Variants in ADAMTS6 observed in about 807,000 individuals in gnomAD.
The protein encoded by ADAMTS6 is ADAM metallopeptidase with thrombospondin type 1 motif 6, also known as A disintegrin and metalloproteinase with thrombospondin motifs 6.
ADAMTS6 carries 23 observed loss-of-function variants against 144.3 expected under a neutral mutation model. The ratio of observed to expected loss-of-function variants is 0.16; its 90% CI spans 0.11 to 0.23. ADAMTS6 has a LOEUF of 0.23. Ranked by LOEUF, ADAMTS6 falls within the 10% of genes least tolerant of loss-of-function variation. The pLI, the probability that ADAMTS6 is intolerant of heterozygous loss-of-function variation, is 1.00. For synonymous variants in ADAMTS6, 444 were observed against 457.5 expected (o/e 0.97, Z 0.38); for missense variants, 999 against 1,379.6 (o/e 0.72, Z 4.37).
chr5:65,415,179 A>G lies in ADAMTS6; in HGVS notation c.1073+36296T>C, dbSNP rs574495710. Among the ~76,000 whole-genome samples the G allele has an allele frequency of 7.9e-4, 120 of 152,272 alleles. 1 individual carries two copies. Among genetic ancestry groups the G allele is most frequent in the Non-Finnish European group, 1.4e-3 (98 of 68,042 alleles). On this transcript the variant is annotated intron_variant, in intron 7 of 24. Coordinates refer to ENST00000381055, the MANE Select transcript of ADAMTS6 (RefSeq NM_197941.4). ...AATCAAGAAATGAGTAAAGGATCTTAATAGACATTTCTCCAAAGAAGATAT... is the reference window on the plus strand; with the variant it reads ...AATCAAGAAATGAGTAAAGGATCTTGATAGACATTTCTCCAAAGAAGATAT...
In ADAMTS6 at chr5:65,194,795, TTAAG is replaced by T. The variant is rs564009863; in HGVS notation, c.2705+2223_2705+2226del. On this transcript the variant is annotated intron_variant, in intron 21 of 24. Coordinates refer to ENST00000381055, the MANE Select transcript of ADAMTS6 (RefSeq NM_197941.4). ...TGAATTCCATTCCCCATCTCCAAAC[TTAAG>T]TAAGTAACTTCACTTCAGAACTACA... Among the ~76,000 whole-genome samples the T allele has an allele frequency of 2.6e-4, 40 of 152,300 alleles. 1 individual carries two copies. In the Middle Eastern group the frequency reaches 0.01, roughly 39 times the overall value.
chr5:65,230,753 A>AAT lies in ADAMTS6; in HGVS notation c.1934-4536_1934-4535dup, dbSNP rs1375951860. Among the ~76,000 whole-genome samples, 134 of 101,210 alleles carry AAT rather than the reference A, an allele frequency of 1.3e-3. 9 individuals carry two copies. Among genetic ancestry groups the AAT allele is most frequent in the African/African-American group, 5.4e-3 (130 of 24,106 alleles). The allele number at this position is 101,210 out of a possible 152,430, so 66.4% of individuals were successfully genotyped here. On this transcript the variant is annotated intron_variant, in intron 15 of 24. Coordinates refer to ENST00000381055, the MANE Select transcript of ADAMTS6 (RefSeq NM_197941.4). ...ATATATATATAACACATATGTATGA[A>AAT]ATATATATATAACACATATGTATGA...
At chr5:65,157,551 C>A (rs776138673) in intron 24 of ADAMTS6, among the ~76,000 whole-genome samples, 1 of 152,234 alleles carries the variant, frequency 6.6e-6, no homozygotes, top group Non-Finnish European at 1.5e-5. Flanking sequence ...TGCATGCCCT[C>A]TGTTTCTGTA....
intron 15 of ADAMTS6, among the ~76,000 whole-genome samples, chr5:65,238,939 C>CA (rs1166638167): frequency 1.3e-5 from 2 of 152,036 alleles, no homozygotes; most frequent in Non-Finnish European, 2.9e-5. Context: ...ACAACTGATG[C>CA]AAAAATTTAC....
At chr5:65,277,244 A>T (rs1327334533) in intron 11 of ADAMTS6, among the ~76,000 whole-genome samples, 1 of 152,228 alleles carries the variant, frequency 6.6e-6, no homozygotes, top group Non-Finnish European at 1.5e-5. Flanking sequence ...ATATTTATCA[A>T]GAATCTGCTA....
intron 22 of ADAMTS6, among the ~76,000 whole-genome samples, chr5:65,178,053 C>A (rs538118948): frequency 1.3e-5 from 2 of 152,308 alleles, no homozygotes; most frequent in Non-Finnish European, 2.9e-5. Flanking sequence ...TCCTTGGAGA[C>A]CTGAAGGGAT....
chr5:65,390,832 A>G (rs10064391), intron 7 of ADAMTS6, among the ~76,000 whole-genome samples: 55,945 of 152,090 alleles, frequency 0.37, 10,577 homozygotes, highest in South Asian at 0.44. Context: ...GGTGCTCATA[A>G]AGAATCTCCT....
At chr5:65,250,181 C>T (rs1313291917) in intron 14 of ADAMTS6, among the ~76,000 whole-genome samples, 1 of 152,198 alleles carries the variant, frequency 6.6e-6, no homozygotes, top group Non-Finnish European at 1.5e-5. Context: ...AGGAATAGCA[C>T]TAGATGTTTT....
At chr5:65,295,105 T>C (rs1742705079) in intron 10 of ADAMTS6, among the ~76,000 whole-genome samples, 2 of 152,144 alleles carry the variant, frequency 1.3e-5, no homozygotes, top group African/African-American at 4.8e-5. Context: ...CAGTTATTTA[T>C]AATTCCTCTA....
At chr5:65,382,549 T>C (rs1346982571) in intron 7 of ADAMTS6, among the ~76,000 whole-genome samples, 1 of 152,258 alleles carries the variant, frequency 6.6e-6, no homozygotes, top group African/African-American at 2.4e-5. Context: ...AATTTCAAGA[T>C]GATGACAAGA....
At chr5:65,241,974 T>C (rs923169493) in intron 15 of ADAMTS6, 130 bp downstream of exon 15, 1 of 509,480 alleles carries the variant, frequency 2.0e-6, no homozygotes, top group Non-Finnish European at 3.2e-6. Context: ...AGCATTTCCC[T>C]GCTTTTGTTG....
chr5:65,312,517 G>C (rs886296294), intron 9 of ADAMTS6, among the ~76,000 whole-genome samples: 2 of 152,050 alleles, frequency 1.3e-5, no homozygotes, highest in African/African-American at 2.4e-5. Flanking sequence ...TTCTAAAACA[G>C]AGTTTGGAAT....
chr5:65,268,847 G>A (rs751387851), intron 12 of ADAMTS6, among the ~76,000 whole-genome samples: 8 of 152,166 alleles, frequency 5.3e-5, no homozygotes, highest in Non-Finnish European at 7.4e-5. Flanking sequence ...AGAGTTTGAC[G>A]AGATCATCAT....
chr5:65,217,885 A>C (rs2112348781), intron 18 of ADAMTS6, among the ~76,000 whole-genome samples: 1 of 152,292 alleles, frequency 6.6e-6, no homozygotes, highest in East Asian at 1.9e-4. Context: ...TCCCATTGTA[A>C]ATAATCAGAA....
intron 9 of ADAMTS6, among the ~76,000 whole-genome samples, chr5:65,319,300 C>G (rs900490710): frequency 6.6e-6 from 1 of 151,910 alleles, no homozygotes; most frequent in African/African-American, 2.4e-5. Context: ...AAACTTCTCT[C>G]TTAAAAACGT....
intron 12 of ADAMTS6, among the ~76,000 whole-genome samples, chr5:65,272,514 T>C (rs936302623): frequency 3.3e-5 from 5 of 152,174 alleles, no homozygotes; most frequent in Admixed American, 1.3e-4. Context: ...TTAATAATTA[T>C]ATTTTTGAAA....
intron 7 of ADAMTS6, among the ~76,000 whole-genome samples, chr5:65,347,282 T>A (rs541096441): frequency 6.6e-6 from 1 of 151,952 alleles, no homozygotes; most frequent in Admixed American, 6.6e-5. Flanking sequence ...GGAATTGAAC[T>A]ACCACATTTC....
At chr5:65,437,679 G>A (rs997647751) in intron 7 of ADAMTS6, among the ~76,000 whole-genome samples, 3 of 152,190 alleles carry the variant, frequency 2.0e-5, no homozygotes, top group African/African-American at 7.2e-5. Flanking sequence ...AAAGAGTATA[G>A]TATTTGCATG....
chr5:65,447,553 C>T (rs985537314), intron 7 of ADAMTS6, among the ~76,000 whole-genome samples: 1 of 151,968 alleles, frequency 6.6e-6, no homozygotes, highest in African/African-American at 2.4e-5. Context: ...AACTTTTTAA[C>T]TATATATGTA....
Sources: allele counts gnomAD v4.1 joint callset (sites outside exome capture counted in the v4.1 genomes callset), GRCh38; gene constraint gnomAD v4.1.1; transcripts MANE v1.5; gene names NCBI Gene and HGNC (gene_info 2026-07-23, HGNC 2026-07-21).